The following SLC9A9 variants were observed in gnomAD, a reference collection of about 807,000 sequenced individuals.
SLC9A9 encodes the protein sodium/hydrogen exchanger 9.
Under a neutral mutation model 77.8 loss-of-function variants are expected in SLC9A9, and 62 were observed. The observed-to-expected ratio is 0.80, with a 90% CI of 0.65 to 0.98. The LOEUF (loss-of-function observed/expected upper bound fraction) is 0.98, where lower values mean the gene tolerates loss of function less well. SLC9A9 is among the 50% of genes least tolerant of loss of function. SLC9A9 has a pLI of 0.00. For synonymous variants in SLC9A9, 320 were observed against 283.5 expected (o/e 1.13, Z -1.29); for missense variants, 775 against 774.9 (o/e 1.00, Z 0.00).
At position 143,745,835 on chromosome 3, in the gene SLC9A9, G is replaced by T. The variant is rs562996611; in HGVS notation, c.533+49166C>A. Among the ~76,000 whole-genome samples, 9 of 152,336 alleles carry T rather than the reference G, an allele frequency of 5.9e-5. No homozygotes were observed. In the South Asian group the frequency reaches 1.9e-3, roughly 32 times the overall value. The stretch of plus-strand genomic sequence containing the variant: ...AAAAGAAAAGATCACTTTGGAAATT[G>T]ATCATTGCTGTGAATAAAAACATTG... On this transcript the variant is annotated intron_variant, in intron 4 of 15. Transcript: ENST00000316549.
At chr3:143,772,693 G>C (rs1027382223) in intron 4 of SLC9A9, among the ~76,000 whole-genome samples, 3 of 152,206 alleles carry the variant, frequency 2.0e-5, no homozygotes, top group Non-Finnish European at 4.4e-5. Flanking sequence ...GTGAGGTGCT[G>C]ATTAATAAGC....
chr3:143,668,634 C>T (rs2039110635), intron 5 of SLC9A9, among the ~76,000 whole-genome samples: 1 of 152,114 alleles, frequency 6.6e-6, no homozygotes, highest in African/African-American at 2.4e-5. Context: ...GCGCATTTGT[C>T]AATGCTTTTG....
At chr3:143,611,121 CA>C (rs2038016097) in intron 6 of SLC9A9, among the ~76,000 whole-genome samples, 1 of 151,586 alleles carries the variant, frequency 6.6e-6, no homozygotes, top group Non-Finnish European at 1.5e-5. Flanking sequence ...TTCAGAAAAA[CA>C]AAAAAGCTTT....
At chr3:143,376,783 AG>A (rs1162493721) in intron 13 of SLC9A9, among the ~76,000 whole-genome samples, 1 of 152,228 alleles carries the variant, frequency 6.6e-6, no homozygotes, top group East Asian at 1.9e-4. Flanking sequence ...GGAAAACCCA[AG>A]ATATTTTCTC....
intron 6 of SLC9A9, among the ~76,000 whole-genome samples, chr3:143,631,321 C>T (rs1002049915): frequency 1.6e-4 from 25 of 152,090 alleles, no homozygotes; most frequent in Non-Finnish European, 3.4e-4. Context: ...AGAGCAACTA[C>T]AATGATGAAG....
chr3:143,823,435 T>TAAGA (rs1183508677), intron 2 of SLC9A9, among the ~76,000 whole-genome samples: 1 of 152,110 alleles, frequency 6.6e-6, no homozygotes, highest in Non-Finnish European at 1.5e-5. Context: ...AATCAGCCCC[T>TAAGA]AAGAACATCC....
intron 4 of SLC9A9, among the ~76,000 whole-genome samples, chr3:143,693,822 C>T (rs1325962733): frequency 6.6e-6 from 1 of 152,092 alleles, no homozygotes; most frequent in East Asian, 1.9e-4. Context: ...CAGGACACTT[C>T]CACACTGGGT....
intron 12 of SLC9A9, among the ~76,000 whole-genome samples, chr3:143,395,201 C>T (rs2033696607): frequency 6.6e-6 from 1 of 152,170 alleles, no homozygotes; most frequent in African/African-American, 2.4e-5. Flanking sequence ...TCAAACTATA[C>T]TATAAGGCTA....
chr3:143,279,836 G>GA (rs992498268), intron 14 of SLC9A9, among the ~76,000 whole-genome samples: 2 of 151,818 alleles, frequency 1.3e-5, no homozygotes, highest in Admixed American at 6.6e-5. Context: ...TTTTATTTAA[G>GA]AAAAAAAACA....
intron 12 of SLC9A9, among the ~76,000 whole-genome samples, chr3:143,438,302 G>A (rs1576496887): frequency 6.6e-6 from 1 of 152,332 alleles, no homozygotes; most frequent in East Asian, 1.9e-4. Flanking sequence ...GTCTCAAAAT[G>A]GGGGCCCCAA....
At chr3:143,797,998 CTGCTCTTTG>C (rs2008436230) in intron 2 of SLC9A9, among the ~76,000 whole-genome samples, 1 of 152,218 alleles carries the variant, frequency 6.6e-6, no homozygotes, top group Admixed American at 6.5e-5. Flanking sequence ...CCCTGTCCTC[CTGCTCTTTG>C]CTCCGTGAGA....
chr3:143,665,545 T>C (rs2039051421), intron 5 of SLC9A9, among the ~76,000 whole-genome samples: 1 of 152,094 alleles, frequency 6.6e-6, no homozygotes, highest in Non-Finnish European at 1.5e-5. Context: ...ATCCAGGAGC[T>C]AGTTTTTTTT....
chr3:143,704,923 T>C (rs577670785), intron 4 of SLC9A9, among the ~76,000 whole-genome samples: 54 of 151,950 alleles, frequency 3.6e-4, no homozygotes, highest in African/African-American at 1.2e-3. Flanking sequence ...ACCTGGGAGA[T>C]GGAGGTTGCA....
chr3:143,478,600 G>T (rs2035521112), intron 11 of SLC9A9, among the ~76,000 whole-genome samples: 1 of 152,224 alleles, frequency 6.6e-6, no homozygotes, highest in African/African-American at 2.4e-5. Flanking sequence ...ATTCCTTAAT[G>T]ACCCTATGGA....
intron 4 of SLC9A9, among the ~76,000 whole-genome samples, chr3:143,721,622 A>G (rs773999407): frequency 3.3e-5 from 5 of 152,160 alleles, no homozygotes; most frequent in Non-Finnish European, 7.4e-5. Flanking sequence ...GATGCCACAG[A>G]GGTGAGAAAC....
intron 6 of SLC9A9, among the ~76,000 whole-genome samples, chr3:143,618,813 T>C (rs1463557034): frequency 6.6e-6 from 1 of 152,228 alleles, no homozygotes; most frequent in Non-Finnish European, 1.5e-5. Context: ...AAAATAGCTA[T>C]TTATTTGAAG....
chr3:143,411,870 A>G (rs1427419417), intron 12 of SLC9A9, among the ~76,000 whole-genome samples: 2 of 152,078 alleles, frequency 1.3e-5, no homozygotes, highest in African/African-American at 4.8e-5. Context: ...CAGACAGGGC[A>G]GGGGTACAGA....
At chr3:143,365,259 T>C (rs928518426) in intron 13 of SLC9A9, among the ~76,000 whole-genome samples, 20 of 151,976 alleles carry the variant, frequency 1.3e-4, no homozygotes, top group African/African-American at 4.1e-4. Context: ...GGAAACAATA[T>C]ACACTGGGGC....
chr3:143,672,608 A>G (rs537159372), intron 5 of SLC9A9, among the ~76,000 whole-genome samples: 47 of 152,238 alleles, frequency 3.1e-4, no homozygotes, highest in Non-Finnish European at 5.1e-4. Flanking sequence ...GCTTTTCTCC[A>G]AAAATAACAG....
Sources: gnomAD v4.1 joint callset for allele counts (sites outside exome capture counted in the v4.1 genomes callset) on GRCh38, gnomAD v4.1.1 for gene constraint, MANE v1.5 for transcripts, NCBI Gene and HGNC (gene_info 2026-07-23, HGNC 2026-07-21) for gene names.